Variants in ERV3-1 observed in about 807,000 individuals in gnomAD.
ERV3-1 encodes endogenous retrovirus group 3 member 1 Env polyprotein.
ERV3-1 carries 36 observed loss-of-function variants against 24.6 expected under a neutral mutation model. The observed-to-expected ratio is 1.47, with a 90% CI of 1.12 to 1.94. The LOEUF is 1.94. Among genes scored for constraint, ERV3-1 ranks in the 30% most tolerant of loss-of-function variants. The pLI is 0.00. For missense variants in ERV3-1, 578 were observed against 330.9 expected, an observed-to-expected ratio of 1.75 and a Z score of -5.79; for synonymous variants, 211 against 122.6, an observed-to-expected ratio of 1.72 and a Z score of -4.76.
intron 1 of ERV3-1, among the ~76,000 whole-genome samples, chr7:64,996,457 C>T (rs1454467307): frequency 6.6e-6 from 1 of 152,202 alleles, no homozygotes; most frequent in African/African-American, 2.4e-5. Context: ...AATAATTTCT[C>T]TTCCTCCTGC....
Position 64,991,538 on chromosome 7 carries a change from A to G in ERV3-1, c.1489T>C (p.Trp497Arg), listed in dbSNP as rs1245405513. The G allele has an allele frequency of 1.4e-6, 1 of 704,186 alleles. No individual in the cohort carries two copies. The highest frequency in any genetic ancestry group is 2.0e-5 in the Admixed American group (1 of 50,022). The allele number at this position is 704,186 out of a possible 1,614,324, so 43.6% of individuals were successfully genotyped here. A position where few individuals can be genotyped will look rare whatever the true frequency, so the allele number is the denominator to read the frequency against. The stretch of plus-strand genomic sequence containing the variant: ...TATCCCCACATTCCATCTTCTGCCC[A>G]GGTGGCTGGGCCATAATATTGAATT... ...RIIQYYGPAT[W>R]AEDGMWGYRT... Residue 497 changes from tryptophan (W) to arginine (R), a missense_variant, in exon 2 of 2, where the codon TGG becomes CGG. Physicochemically the swap from Trp to Arg is moderately radical, Grantham distance 101. Coordinates refer to ENST00000394323, the MANE Select transcript of ERV3-1 (RefSeq NM_001007253.4).
chr7:64,992,096 G>C lies in ERV3-1; in HGVS notation c.931C>G (p.Leu311Val). The C allele has an allele frequency of 1.3e-6, 1 of 766,410 alleles. No individual in the cohort carries two copies. Among genetic ancestry groups the C allele is most frequent in the East Asian group, 2.4e-5 (1 of 41,242 alleles). The allele number at this position is 766,410 out of a possible 1,614,324, so 47.5% of individuals were successfully genotyped here. Residue 311 changes from leucine to valine, a missense_variant, in exon 2 of 2, where the codon CTA (leucine) becomes GTA (valine). Coordinates refer to ENST00000394323, the MANE Select transcript of ERV3-1 (RefSeq NM_001007253.4). ...GDQWPWEARE[L>V]MPQDNFTLTA... ...AGTGTGAAATTATCTTGGGGCATTAGTTCCCTTGCTTCCCATGGCCATTGG... is the reference window on the plus strand; with the variant it reads ...AGTGTGAAATTATCTTGGGGCATTACTTCCCTTGCTTCCCATGGCCATTGG...
chr7:64,992,307 T>C lies in ERV3-1; in HGVS notation c.720A>G (p.Ile240Met). 1.3e-6 allele frequency: 1 copy of C among 766,244 alleles called. No homozygotes were observed. The highest frequency in any genetic ancestry group is 2.4e-6 in the Non-Finnish European group (1 of 417,866). 47.5% of individuals were successfully genotyped at this position (766,244 alleles called of 1,614,324 possible). A position where few individuals can be genotyped will look rare whatever the true frequency, so the allele number is the denominator to read the frequency against. ...GGGTTGAGCGGGTCCGAGTTTTCTTTATGATATATAGATAGACATAGGCTC... is the reference window on the plus strand; with the variant it reads ...GGGTTGAGCGGGTCCGAGTTTTCTTCATGATATATAGATAGACATAGGCTC... ...GPGAYVYLYI[I>M]KKTRTRSTQQ... The change falls in exon 2 of 2, where the codon ATA (isoleucine) becomes ATG (methionine). Residue 240 changes from isoleucine (I) to methionine (M), a missense_variant. By Grantham distance (10) the Ile-to-Met change is conservative. Coordinates refer to ENST00000394323, the MANE Select transcript of ERV3-1 (RefSeq NM_001007253.4).
intron 1 of ERV3-1, among the ~76,000 whole-genome samples, chr7:64,997,302 G>A (rs1325465180): frequency 9.9e-5 from 15 of 152,174 alleles, no homozygotes; most frequent in Admixed American, 9.8e-4. Flanking sequence ...TGGCATTCAT[G>A]CCCGTGAAAC....
At chr7:65,002,770 T>A (rs1562656701) in intron 1 of ERV3-1, among the ~76,000 whole-genome samples, 1 of 152,246 alleles carries the variant, frequency 6.6e-6, no homozygotes, top group Non-Finnish European at 1.5e-5. Context: ...GTAAAACAAT[T>A]TCTGATCTAA....
rs1786654475 is a variant in ERV3-1 at position 65,006,524 on chromosome 7, G to A, written c.-389+17C>T. ...GCCCCGCCCCCTCTCTCGGGATGTC[G>A]GACCCGGCACTCTCACCATTTCTAG... On this transcript the variant is annotated intron_variant, in intron 1 of 1. Coordinates refer to ENST00000394323, the MANE Select transcript of ERV3-1 (RefSeq NM_001007253.4). 2 of 1,573,676 alleles carry A rather than the reference G, an allele frequency of 1.3e-6. No individual in the cohort carries two copies. The highest frequency in any genetic ancestry group is 1.7e-5 in the Admixed American group (1 of 59,700).
intron 1 of ERV3-1, among the ~76,000 whole-genome samples, chr7:65,000,136 G>A (rs1786487489): frequency 6.6e-6 from 1 of 151,748 alleles, no homozygotes; most frequent in Admixed American, 6.6e-5. Flanking sequence ...GAAAAGACAT[G>A]GAATCACCAT....
chr7:65,006,403 C>T (rs1382051249), intron 1 of ERV3-1, 138 bp downstream of exon 1: 3 of 1,385,170 alleles, frequency 2.2e-6, no homozygotes, highest in Non-Finnish European at 3.1e-6. Context: ...GACTGAGGGC[C>T]GAGCTGCGCC....
In ERV3-1 at chr7:64,992,384, C is replaced by G. The variant is rs893996699; in HGVS notation, c.643G>C (p.Gly215Arg). The G allele has an allele frequency of 1.6e-5, 12 of 766,268 alleles. No homozygotes were observed. Among genetic ancestry groups the G allele is most frequent in the Admixed American group, 6.8e-5 (4 of 59,008 alleles). 47.5% of individuals were successfully genotyped at this position (766,268 alleles called of 1,614,324 possible). The change falls in exon 2 of 2, where the codon GGT (glycine) becomes CGT (arginine). Residue 215 changes from glycine (G) to arginine (R), a missense_variant. Physicochemically the swap from Gly to Arg is moderately radical, Grantham distance 125 (BLOSUM62 -2). Coordinates refer to ENST00000394323, the MANE Select transcript of ERV3-1 (RefSeq NM_001007253.4). ...CGTGCCCCTAGCGGTGCTTTTAAACCTGTTGTCCATATGGGCTGATCTGGC... is the reference window on the plus strand; with the variant it reads ...CGTGCCCCTAGCGGTGCTTTTAAACGTGTTGTCCATATGGGCTGATCTGGC... ...LEPDQPIWTT[G>R]LKAPLGARVS...
chr7:64,998,376 G>C (rs1388027570), intron 1 of ERV3-1, among the ~76,000 whole-genome samples: 1 of 152,072 alleles, frequency 6.6e-6, no homozygotes, highest in Non-Finnish European at 1.5e-5. Flanking sequence ...GGATGCCCTG[G>C]CTGTCCTCCG....
intron 1 of ERV3-1, among the ~76,000 whole-genome samples, chr7:64,999,159 G>A (rs1786467970): frequency 2.0e-5 from 3 of 152,150 alleles, no homozygotes; most frequent in Non-Finnish European, 4.4e-5. Flanking sequence ...TCGTCCTGTA[G>A]CCCCTTAGGT....
Position 64,992,712 on chromosome 7 carries a change from G to C in ERV3-1, c.315C>G (p.Asn105Lys), listed in dbSNP as rs955195331. The change falls in exon 2 of 2, where the codon AAC (asparagine) becomes AAG (lysine). Residue 105 changes from asparagine (N) to lysine (K), a missense_variant. Asn to Lys is a moderately conservative substitution (Grantham distance 94, BLOSUM62 0). Coordinates refer to ENST00000394323, the MANE Select transcript of ERV3-1 (RefSeq NM_001007253.4). ...HVGSKEGDLLNQTKVFPSGKD... is the reference protein window; with the variant it reads ...HVGSKEGDLLKQTKVFPSGKD... ...TGCCAGAGGGAAATACCTTGGTTTGGTTTAGAAGATCCCCTTCCTTTGACC... is the reference window on the plus strand; with the variant it reads ...TGCCAGAGGGAAATACCTTGGTTTGCTTTAGAAGATCCCCTTCCTTTGACC... 7 of 766,416 alleles carry C rather than the reference G, an allele frequency of 9.1e-6. No homozygotes were observed. Among genetic ancestry groups the C allele is most frequent in the Non-Finnish European group, 1.4e-5 (6 of 417,886 alleles). 47.5% of individuals were successfully genotyped at this position (766,416 alleles called of 1,614,324 possible).
intron 1 of ERV3-1, among the ~76,000 whole-genome samples, chr7:65,000,340 A>T (rs1300946205): frequency 6.6e-6 from 1 of 152,036 alleles, no homozygotes; most frequent in East Asian, 1.9e-4. Flanking sequence ...CTCCTGCCTC[A>T]GCCTCCCAAG....
Position 64,992,922 on chromosome 7 carries a change from C to A in ERV3-1, c.105G>T (p.Thr35=). ...TTTTAGTCATGATGTTCCCCGACCA[C>A]GTAGTGTGGGTGCAGTGGAGGCATC... The part of the protein sequence containing the change: ...WEGCLHCTHT[T]WSGNIMTKTL... The change falls in exon 2 of 2, where the codon ACG becomes ACT. Residue 35 remains threonine (T), a synonymous_variant. Coordinates refer to ENST00000394323, the MANE Select transcript of ERV3-1 (RefSeq NM_001007253.4). 1 of 766,392 alleles carries A rather than the reference C, an allele frequency of 1.3e-6. No individual in the cohort carries two copies. The allele number at this position is 766,392 out of a possible 1,614,324, so 47.5% of individuals were successfully genotyped here.
At chr7:65,006,315 C>CT (rs1786648578) in intron 1 of ERV3-1, 1 of 695,920 alleles carries the variant, frequency 1.4e-6, no homozygotes, top group East Asian at 2.8e-5. Flanking sequence ...CAGAACAAGG[C>CT]ACAGTCACTG....
intron 1 of ERV3-1, chr7:65,004,529 G>C (rs937799540): frequency 6.6e-6 from 1 of 152,080 alleles, no homozygotes; most frequent in Non-Finnish European, 1.5e-5. Context: ...TTTCTTCTGA[G>C]CCCCACCTCT....
intron 1 of ERV3-1, 87 bp downstream of exon 1, chr7:65,006,454 G>T: frequency 1.3e-6 from 2 of 1,530,530 alleles, no homozygotes; most frequent in Non-Finnish European, 1.8e-6. Flanking sequence ...CCAGCTGCGG[G>T]GAGGCCAGAG....
Position 64,992,365 on chromosome 7 carries a change from C to A in ERV3-1, c.662G>T (p.Gly221Val). ...AATTTCTTCACCGCTGACTCGTGCC[C>A]CTAGCGGTGCTTTTAAACCTGTTGT... ...IWTTGLKAPL[G>V]ARVSGEEIGP... The change falls in exon 2 of 2, where the codon GGG becomes GTG. Residue 221 changes from glycine to valine, a missense_variant. Transcript: ENST00000394323. 1 of 766,324 alleles carries A rather than the reference C, an allele frequency of 1.3e-6. No homozygotes were observed. The highest frequency in any genetic ancestry group is 2.4e-6 in the Non-Finnish European group (1 of 417,896). The allele number at this position is 766,324 out of a possible 1,614,324, so 47.5% of individuals were successfully genotyped here.
rs775152196 is a variant in ERV3-1, at chr7:64,992,082, A to G, written c.945T>C (p.Asp315=). ...GGGAAGAGGCGGTTAGTGTGAAATT[A>G]TCTTGGGGCATTAGTTCCCTTGCTT... The part of the protein sequence containing the change: ...PWEARELMPQ[D]NFTLTASSLE... Residue 315 remains aspartate (D), a synonymous_variant, in exon 2 of 2, where the codon GAT becomes GAC. Transcript: ENST00000394323. The G allele has an allele frequency of 1.3e-6, 1 of 766,406 alleles. No homozygotes were observed. Among genetic ancestry groups the G allele is most frequent in the East Asian group, 2.4e-5 (1 of 41,240 alleles). 47.5% of individuals were successfully genotyped at this position (766,406 alleles called of 1,614,324 possible).
Sources: gnomAD v4.1 joint callset for allele counts (sites outside exome capture counted in the v4.1 genomes callset) on GRCh38, gnomAD v4.1.1 for gene constraint, MANE v1.5 for transcripts, NCBI Gene and HGNC (gene_info 2026-07-23, HGNC 2026-07-21) for gene names.